The following CAMK2N2 variants were observed in gnomAD, a reference collection of about 807,000 sequenced individuals.
CAMK2N2 encodes the protein calcium/calmodulin-dependent protein kinase II inhibitor 2.
In CAMK2N2, 3 loss-of-function variants were observed where a neutral mutation model predicts 7.8. The ratio of observed to expected loss-of-function variants is 0.38; its 90% CI spans 0.18 to 0.99. CAMK2N2 has a LOEUF of 0.99. Ranked by LOEUF, CAMK2N2 falls within the 50% of genes least tolerant of loss-of-function variation. The pLI, the probability that CAMK2N2 is intolerant of heterozygous loss-of-function variation, is 0.37. For missense variants in CAMK2N2, 85 were observed against 108.4 expected (o/e 0.78, Z 0.96); for synonymous variants, 45 against 46.6 (o/e 0.97, Z 0.14).
Position 184,260,843 on chromosome 3 carries a change from C to T in CAMK2N2, c.169+274G>A, listed in dbSNP as rs1271819944. On this transcript the variant is annotated intron_variant, in intron 1 of 1. Transcript: ENST00000296238. The surrounding 1 kb of genome is among the most constrained non-coding windows in gnomAD (Gnocchi z 6.6). The stretch of plus-strand genomic sequence containing the variant: ...CCCGTGCTCCCACTTCCGTGCAGCC[C>T]CAAATGCCCCGACCGGCCCCTCCCC... 1.3e-5 allele frequency among the ~76,000 whole-genome samples: 2 copies of T among 152,226 alleles called. No individual in the cohort carries two copies.
At position 184,261,423 on chromosome 3, in the gene CAMK2N2, C is replaced by A; in HGVS notation, c.-138G>T. On this transcript the variant is annotated 5_prime_UTR_variant, in exon 1 of 2. Coordinates refer to ENST00000296238, the MANE Select transcript of CAMK2N2 (RefSeq NM_033259.3). The surrounding 1 kb of genome is among the most constrained non-coding windows in gnomAD (Gnocchi z 5.1). Reference sequence around the variant, plus strand: ...CATGCAGCATCCGGGGCTGAGGAGCCAAGCGGGGCCTCCTCCCCCGCGCCT... The same window carrying A: ...CATGCAGCATCCGGGGCTGAGGAGCAAAGCGGGGCCTCCTCCCCCGCGCCT... 1 of 627,740 alleles carries A rather than the reference C, an allele frequency of 1.6e-6. No individual in the cohort carries two copies. The highest frequency in any genetic ancestry group is 2.2e-6 in the Non-Finnish European group (1 of 450,950). 38.9% of individuals were successfully genotyped at this position (627,740 alleles called of 1,614,324 possible).
Position 184,259,765 on chromosome 3 carries a change from CGCGGTCCGACACCG to C in CAMK2N2, c.*378_*391del, listed in dbSNP as rs962613874. On this transcript the variant is annotated 3_prime_UTR_variant, in exon 2 of 2. Transcript: ENST00000296238. ...ACGCAGCCAAACATCCCTGGCCGCGCGCGGTCCGACACCGGCGGCCGCCCGGTCTGCAGACCAGA... is the reference window on the plus strand; with the variant it reads ...ACGCAGCCAAACATCCCTGGCCGCGCGCGGCCGCCCGGTCTGCAGACCAGA... 6.8e-6 allele frequency: 1 copy of C among 147,422 alleles called. No individual in the cohort carries two copies. The highest frequency in any genetic ancestry group is 6.7e-5 in the Admixed American group (1 of 14,942). The allele number at this position is 147,422 out of a possible 1,614,324, so 9.1% of individuals were successfully genotyped here.
chr3:184,260,294 C>A lies in CAMK2N2; in HGVS notation c.170-67G>T. 6.7e-7 allele frequency: 1 copy of A among 1,482,328 alleles called. No individual in the cohort carries two copies. The allele number at this position is 1,482,328 out of a possible 1,614,324, so 91.8% of individuals were successfully genotyped here. ...GCGGCGGCGATGAGAATGAGCCCCG[C>A]GTCCTAGCTTCCCGCGCAGCTACTG... On this transcript the variant is annotated intron_variant, in intron 1 of 1. Transcript: ENST00000296238. This position sits in a 1 kb window ranked among gnomAD's most constrained non-coding sequence, Gnocchi z 6.6.
In CAMK2N2 at chr3:184,261,009, C is replaced by G. The variant is rs2108454256; in HGVS notation, c.169+108G>C. On this transcript the variant is annotated intron_variant, in intron 1 of 1. Transcript: ENST00000296238. This position sits in a 1 kb window ranked among gnomAD's most constrained non-coding sequence, Gnocchi z 5.1. Reference sequence around the variant, plus strand: ...AGCCCGGGCTGGAGAGCGGCTGGTGCGCTGGTCTGCGGCAAGAGCTGCGGG... The same window carrying G: ...AGCCCGGGCTGGAGAGCGGCTGGTGGGCTGGTCTGCGGCAAGAGCTGCGGG... The G allele has an allele frequency of 1.9e-6, 2 of 1,055,062 alleles. No homozygotes were observed. The highest frequency in any genetic ancestry group is 2.5e-6 in the Non-Finnish European group (2 of 791,396). 65.4% of individuals were successfully genotyped at this position (1,055,062 alleles called of 1,614,324 possible).
rs1719955238 is a variant in CAMK2N2 at position 184,259,552 on chromosome 3, G to C, written c.*605C>G. On this transcript the variant is annotated 3_prime_UTR_variant, in exon 2 of 2. Coordinates refer to ENST00000296238, the MANE Select transcript of CAMK2N2 (RefSeq NM_033259.3). The stretch of plus-strand genomic sequence containing the variant: ...TCCTATCTGCCAGGCGCAGAAGAGC[G>C]TGGCCGAGACTGAGGGGAGGGCAGG... 1 of 152,806 alleles carries C rather than the reference G, an allele frequency of 6.5e-6. No homozygotes were observed. Among genetic ancestry groups the C allele is most frequent in the Admixed American group, 6.5e-5 (1 of 15,268 alleles). The allele number at this position is 152,806 out of a possible 1,614,324, so 9.5% of individuals were successfully genotyped here. A position where few individuals can be genotyped will look rare whatever the true frequency, so the allele number is the denominator to read the frequency against.
chr3:184,260,074 G>C lies in CAMK2N2; in HGVS notation c.*83C>G, dbSNP rs1719984734. 1 of 784,648 alleles carries C rather than the reference G, an allele frequency of 1.3e-6. No individual in the cohort carries two copies. Among genetic ancestry groups the C allele is most frequent in the Non-Finnish European group, 1.5e-6 (1 of 648,040 alleles). 48.6% of individuals were successfully genotyped at this position (784,648 alleles called of 1,614,324 possible). Reference sequence around the variant, plus strand: ...CCGCGGGCGCCTGGGCCGGGGCGGGGGGGCGCCGGCAGCCGCATCGCCGGC... The same window carrying C: ...CCGCGGGCGCCTGGGCCGGGGCGGGCGGGCGCCGGCAGCCGCATCGCCGGC... On this transcript the variant is annotated 3_prime_UTR_variant, in exon 2 of 2. Transcript: ENST00000296238. The surrounding 1 kb of genome is among the most constrained non-coding windows in gnomAD (Gnocchi z 6.6).
chr3:184,261,080 C>T lies in CAMK2N2; in HGVS notation c.169+37G>A. On this transcript the variant is annotated intron_variant, in intron 1 of 1. Transcript: ENST00000296238. This position sits in a 1 kb window ranked among gnomAD's most constrained non-coding sequence, Gnocchi z 5.1. Reference sequence around the variant, plus strand: ...CCGGGGGGCGCCCGGCGGAGGGTTTCTGGGTCAGGCGGCGACTCCGGGCCC... The same window carrying T: ...CCGGGGGGCGCCCGGCGGAGGGTTTTTGGGTCAGGCGGCGACTCCGGGCCC... 1 of 1,548,096 alleles carries T rather than the reference C, an allele frequency of 6.5e-7. No individual in the cohort carries two copies. The highest frequency in any genetic ancestry group is 1.8e-5 in the Admixed American group (1 of 55,100).
chr3:184,260,064 C>G lies in CAMK2N2; in HGVS notation c.*93G>C. Reference sequence around the variant, plus strand: ...CAGCCCCCGCCCGCGGGCGCCTGGGCCGGGGCGGGGGGGCGCCGGCAGCCG... The same window carrying G: ...CAGCCCCCGCCCGCGGGCGCCTGGGGCGGGGCGGGGGGGCGCCGGCAGCCG... On this transcript the variant is annotated 3_prime_UTR_variant, in exon 2 of 2. Transcript: ENST00000296238. The surrounding 1 kb of genome is among the most constrained non-coding windows in gnomAD (Gnocchi z 6.6). The G allele has an allele frequency of 1.4e-6, 1 of 699,276 alleles. No individual in the cohort carries two copies. Among genetic ancestry groups the G allele is most frequent in the Non-Finnish European group, 1.8e-6 (1 of 571,280 alleles). 43.3% of individuals were successfully genotyped at this position (699,276 alleles called of 1,614,324 possible).
rs1458496001 is a variant in CAMK2N2, at chr3:184,260,935, G to A, written c.169+182C>T. ...ATCGAATCCGGGGCACCGTGTTCCC[G>A]GGAGAAGGGAAGAGGGGGACACACA... On this transcript the variant is annotated intron_variant, in intron 1 of 1. Transcript: ENST00000296238. The surrounding 1 kb of genome is among the most constrained non-coding windows in gnomAD (Gnocchi z 6.6). Among the ~76,000 whole-genome samples, 1 of 152,168 alleles carries A rather than the reference G, an allele frequency of 6.6e-6. No individual in the cohort carries two copies. The highest frequency in any genetic ancestry group is 1.5e-5 in the Non-Finnish European group (1 of 68,018).
Position 184,259,939 on chromosome 3 carries a change from C to T in CAMK2N2, c.*218G>A, listed in dbSNP as rs549083861. On this transcript the variant is annotated 3_prime_UTR_variant, in exon 2 of 2. Coordinates refer to ENST00000296238, the MANE Select transcript of CAMK2N2 (RefSeq NM_033259.3). ...GAGGTTTTAAAGTGCATGAGCGCGG[C>T]GGCGGGTTCCGGGCGGGTCCGCGCC... The T allele has an allele frequency of 5.6e-3, 843 of 151,760 alleles. 6 individuals are homozygous for T. Among genetic ancestry groups the T allele is most frequent in the African/African-American group, 0.019 (805 of 41,414 alleles). 9.4% of individuals were successfully genotyped at this position (151,760 alleles called of 1,614,324 possible).
rs1291874559 is a variant in CAMK2N2, at chr3:184,260,071, G to C, written c.*86C>G. 1.9e-5 allele frequency: 14 copies of C among 740,262 alleles called. No homozygotes were observed. Among genetic ancestry groups the C allele is most frequent in the Non-Finnish European group, 2.1e-5 (13 of 608,252 alleles). The allele number at this position is 740,262 out of a possible 1,614,324, so 45.9% of individuals were successfully genotyped here. A position where few individuals can be genotyped will look rare whatever the true frequency, so the allele number is the denominator to read the frequency against. On this transcript the variant is annotated 3_prime_UTR_variant, in exon 2 of 2. Transcript: ENST00000296238. This position sits in a 1 kb window ranked among gnomAD's most constrained non-coding sequence, Gnocchi z 6.6. ...CGCCCGCGGGCGCCTGGGCCGGGGCGGGGGGGCGCCGGCAGCCGCATCGCC... is the reference window on the plus strand; with the variant it reads ...CGCCCGCGGGCGCCTGGGCCGGGGCCGGGGGGCGCCGGCAGCCGCATCGCC...
chr3:184,261,245 C>G lies in CAMK2N2; in HGVS notation c.41G>C (p.Arg14Pro), dbSNP rs775567043. The G allele has an allele frequency of 6.3e-7, 1 of 1,596,160 alleles. No homozygotes were observed. The highest frequency in any genetic ancestry group is 8.5e-7 in the Non-Finnish European group (1 of 1,172,838). ...ILPYSEDKMG[R>P]FGADPEGSDL... The stretch of plus-strand genomic sequence containing the variant: ...GGAGCCCTCGGGGTCTGCGCCGAAG[C>G]GGCCCATCTTGTCTTCGCTGTAGGG... The change falls in exon 1 of 2, where the codon CGC (arginine) becomes CCC (proline). Residue 14 changes from arginine to proline, a missense_variant. Physicochemically the swap from Arg to Pro is moderately radical, Grantham distance 103. Coordinates refer to ENST00000296238, the MANE Select transcript of CAMK2N2 (RefSeq NM_033259.3). The surrounding 1 kb of genome is among the most constrained non-coding windows in gnomAD (Gnocchi z 5.1).
rs750259701 is a variant in CAMK2N2, at chr3:184,260,110, G to A, written c.*47C>T. 16 of 1,241,248 alleles carry A rather than the reference G, an allele frequency of 1.3e-5. 1 individual carries two copies. The allele number at this position is 1,241,248 out of a possible 1,614,324, so 76.9% of individuals were successfully genotyped here. The stretch of plus-strand genomic sequence containing the variant: ...AGCCGCATCGCCGGCCCGCGCTCCT[G>A]GCCGCTGCGAGGCTGGGCCCGGAGC... On this transcript the variant is annotated 3_prime_UTR_variant, in exon 2 of 2. Transcript: ENST00000296238. The surrounding 1 kb of genome is among the most constrained non-coding windows in gnomAD (Gnocchi z 6.6).
At position 184,260,501 on chromosome 3, in the gene CAMK2N2, T is replaced by G. The variant is rs1720005766; in HGVS notation, c.170-274A>C. Reference sequence around the variant, plus strand: ...GCGAGCCCTCCTGCCACCTGAGCCTTCCTCCCTCTGAGTTGATCAGAAACC... The same window carrying G: ...GCGAGCCCTCCTGCCACCTGAGCCTGCCTCCCTCTGAGTTGATCAGAAACC... On this transcript the variant is annotated intron_variant, in intron 1 of 1. Coordinates refer to ENST00000296238, the MANE Select transcript of CAMK2N2 (RefSeq NM_033259.3). The surrounding 1 kb of genome is among the most constrained non-coding windows in gnomAD (Gnocchi z 6.6). 6.6e-6 allele frequency among the ~76,000 whole-genome samples: 1 copy of G among 151,988 alleles called. No individual in the cohort carries two copies. Among genetic ancestry groups the G allele is most frequent in the African/African-American group, 2.4e-5 (1 of 41,384 alleles).
Position 184,259,392 on chromosome 3 carries a change from C to A in CAMK2N2, c.*765G>T. ...GCAGGGGTCCAAGGTAAAATCGGAT[C>A]TGGGCCCTTGGAAGGTGATGATACC... On this transcript the variant is annotated 3_prime_UTR_variant, in exon 2 of 2. Coordinates refer to ENST00000296238, the MANE Select transcript of CAMK2N2 (RefSeq NM_033259.3). The A allele has an allele frequency of 6.5e-6, 1 of 152,964 alleles. No individual in the cohort carries two copies. Among genetic ancestry groups the A allele is most frequent in the Non-Finnish European group, 1.5e-5 (1 of 68,216 alleles). 9.5% of individuals were successfully genotyped at this position (152,964 alleles called of 1,614,324 possible).
chr3:184,261,438 C>G lies in CAMK2N2; in HGVS notation c.-153G>C. ...GCTGAGGAGCCAAGCGGGGCCTCCTCCCCCGCGCCTCCGCCTCCCGGGCCG... is the reference window on the plus strand; with the variant it reads ...GCTGAGGAGCCAAGCGGGGCCTCCTGCCCCGCGCCTCCGCCTCCCGGGCCG... On this transcript the variant is annotated 5_prime_UTR_variant, in exon 1 of 2. Transcript: ENST00000296238. The surrounding 1 kb of genome is among the most constrained non-coding windows in gnomAD (Gnocchi z 5.1). The G allele has an allele frequency of 3.9e-6, 2 of 513,262 alleles. No individual in the cohort carries two copies. The highest frequency in any genetic ancestry group is 5.7e-6 in the Non-Finnish European group (2 of 353,380). 31.8% of individuals were successfully genotyped at this position (513,262 alleles called of 1,614,324 possible). A position where few individuals can be genotyped will look rare whatever the true frequency, so the allele number is the denominator to read the frequency against.
rs1719956034 is a variant in CAMK2N2, at chr3:184,259,563, T to A, written c.*594A>T. 6.6e-6 allele frequency: 1 copy of A among 152,504 alleles called. No individual in the cohort carries two copies. The highest frequency in any genetic ancestry group is 2.1e-4 in the South Asian group (1 of 4,816). The allele number at this position is 152,504 out of a possible 1,614,324, so 9.4% of individuals were successfully genotyped here. On this transcript the variant is annotated 3_prime_UTR_variant, in exon 2 of 2. Transcript: ENST00000296238. ...AGGCGCAGAAGAGCGTGGCCGAGAC[T>A]GAGGGGAGGGCAGGAACCATGAGCA...
rs973297713 is a variant in CAMK2N2, at chr3:184,261,353, C to G, written c.-68G>C. 1.5e-5 allele frequency: 19 copies of G among 1,294,594 alleles called. No individual in the cohort carries two copies. Among genetic ancestry groups the G allele is most frequent in the African/African-American group, 3.2e-5 (2 of 62,938 alleles). 80.2% of individuals were successfully genotyped at this position (1,294,594 alleles called of 1,614,324 possible). ...GGGGCGCGGGCGGCGGGCTTGCTGC[C>G]GGACCGGCCCTACCTCAGCAGGGGA... On this transcript the variant is annotated 5_prime_UTR_variant, in exon 1 of 2. Coordinates refer to ENST00000296238, the MANE Select transcript of CAMK2N2 (RefSeq NM_033259.3). This position sits in a 1 kb window ranked among gnomAD's most constrained non-coding sequence, Gnocchi z 5.1.
chr3:184,260,729 C>T lies in CAMK2N2; in HGVS notation c.169+388G>A, dbSNP rs1162837163. On this transcript the variant is annotated intron_variant, in intron 1 of 1. Transcript: ENST00000296238. This position sits in a 1 kb window ranked among gnomAD's most constrained non-coding sequence, Gnocchi z 6.6. ...AGACAAGCGGACCCCCGGCCTCCTGCCCTCTCTTGTTAGACGTCCCTCTCG... is the reference window on the plus strand; with the variant it reads ...AGACAAGCGGACCCCCGGCCTCCTGTCCTCTCTTGTTAGACGTCCCTCTCG... Among the ~76,000 whole-genome samples, 1 of 152,226 alleles carries T rather than the reference C, an allele frequency of 6.6e-6. No individual in the cohort carries two copies. Among genetic ancestry groups the T allele is most frequent in the Non-Finnish European group, 1.5e-5 (1 of 68,040 alleles).
Sources: allele counts gnomAD v4.1 joint callset (sites outside exome capture counted in the v4.1 genomes callset), GRCh38; gene constraint gnomAD v4.1.1; non-coding constraint Gnocchi (gnomAD v3.1); transcripts MANE v1.5; gene names NCBI Gene and HGNC (gene_info 2026-07-23, HGNC 2026-07-21).